NCAM2: variants seen among roughly 807,000 people sequenced by gnomAD.
NCAM2 encodes the protein neural cell adhesion molecule 2, also known as N-CAM-2.
Under a neutral mutation model 98.1 loss-of-function variants are expected in NCAM2, and 30 were observed. The observed-to-expected ratio is 0.31, with a 90% CI of 0.23 to 0.41. The LOEUF (loss-of-function observed/expected upper bound fraction) is 0.41, where lower values mean the gene tolerates loss of function less well. Among genes scored for constraint, NCAM2 ranks in the 10% least tolerant of loss-of-function variants. The pLI, the probability that NCAM2 is intolerant of heterozygous loss-of-function variation, is 1.00. For missense variants in NCAM2, 867 were observed against 1,005.8 expected (o/e 0.86, Z 1.87); for synonymous variants, 368 against 342.4 (o/e 1.07, Z -0.83).
intron 8 of NCAM2, among the ~76,000 whole-genome samples, chr21:21,353,831 G>A (rs572021023): frequency 2.6e-5 from 4 of 151,974 alleles, no homozygotes; most frequent in African/African-American, 9.7e-5. Context: ...GGGCATTAAG[G>A]TAGGAAAAAA....
chr21:21,272,506 G>GCA (rs1568867389), intron 1 of NCAM2, among the ~76,000 whole-genome samples: 31 of 54,118 alleles, frequency 5.7e-4, no homozygotes, highest in African/African-American at 1.8e-3. Context: ...ATGCGCGCGC[G>GCA]CGCACACACA....
At chr21:21,425,977 G>C (rs1569049815) in intron 11 of NCAM2, among the ~76,000 whole-genome samples, 1 of 152,090 alleles carries the variant, frequency 6.6e-6, no homozygotes, top group Non-Finnish European at 1.5e-5. Flanking sequence ...GGCACCATCA[G>C]ATTTGGTTTT....
In NCAM2 at chr21:21,430,403, T is replaced by TATATATATATATATATATATATATATATA. The variant is rs71195328; in HGVS notation, c.1481-1705_1481-1704insATATATATATATATATATATATATATATA. 7.6e-4 allele frequency among the ~76,000 whole-genome samples: 112 copies of TATATATATATATATATATATATATATATA among 146,572 alleles called. 1 individual carries two copies. The highest frequency in any genetic ancestry group is 1.8e-3 in the East Asian group (8 of 4,484). ...TATTTATCAGTCAAGTTTATATATA[T>TATATATATATATATATATATATATATATA]TAGCCCATTCTCACACTGCTATGAA... is the stretch of plus-strand genomic sequence containing the variant. On this transcript the variant is annotated intron_variant, in intron 11 of 17. Transcript: ENST00000400546.
chr21:21,368,107 G>T (rs1029576182), intron 8 of NCAM2, among the ~76,000 whole-genome samples: 1 of 151,540 alleles, frequency 6.6e-6, no homozygotes, highest in South Asian at 2.1e-4. Flanking sequence ...TTAAAGTATT[G>T]AATATGAAAT....
At chr21:21,043,166 C>T (rs1237822479) in intron 1 of NCAM2, among the ~76,000 whole-genome samples, 1 of 152,106 alleles carries the variant, frequency 6.6e-6, no homozygotes, top group Non-Finnish European at 1.5e-5. Flanking sequence ...TGCCCCATGC[C>T]CTCTATAAAG....
chr21:21,160,639 T>G (rs1267602377), intron 1 of NCAM2, among the ~76,000 whole-genome samples: 1 of 152,050 alleles, frequency 6.6e-6, no homozygotes, highest in African/African-American at 2.4e-5. Context: ...ATTTCTTTAT[T>G]TCTTACTATT....
intron 9 of NCAM2, among the ~76,000 whole-genome samples, chr21:21,391,012 G>A (rs534628389): frequency 6.6e-6 from 1 of 152,064 alleles, no homozygotes; most frequent in East Asian, 1.9e-4. Context: ...GAAGAAAATG[G>A]TATTTCTGTA....
At chr21:21,119,263 C>T (rs2066623913) in intron 1 of NCAM2, among the ~76,000 whole-genome samples, 1 of 152,108 alleles carries the variant, frequency 6.6e-6, no homozygotes, top group African/African-American at 2.4e-5. Flanking sequence ...TGTCACATCT[C>T]AATTCTAAGT....
chr21:21,296,797 G>A (rs1422124431), intron 5 of NCAM2, among the ~76,000 whole-genome samples: 3 of 151,706 alleles, frequency 2.0e-5, no homozygotes, highest in African/African-American at 7.3e-5. Flanking sequence ...AGAGGCAAGA[G>A]GAATCAAGGG....
In NCAM2 at chr21:21,292,778, C is replaced by G. The variant is rs1304814233; in HGVS notation, c.619+537C>G. On this transcript the variant is annotated intron_variant, in intron 5 of 17. Coordinates refer to ENST00000400546, the MANE Select transcript of NCAM2 (RefSeq NM_004540.5). ...TTCTATGGAGCTGGAAAATACATTA[C>G]AGTTATCTTGGCTGTCTCCTGTACT... 4.6e-5 allele frequency among the ~76,000 whole-genome samples: 7 copies of G among 151,862 alleles called. No homozygotes were observed. In the East Asian group the frequency reaches 1.2e-3, roughly 25 times the overall value.
At chr21:21,065,359 A>G (rs1036556491) in intron 1 of NCAM2, among the ~76,000 whole-genome samples, 2 of 152,134 alleles carry the variant, frequency 1.3e-5, no homozygotes, top group Admixed American at 6.6e-5. Context: ...CTTGATTTAC[A>G]TGAGTCTTAA....
chr21:21,092,190 A>G (rs188368093), intron 1 of NCAM2, among the ~76,000 whole-genome samples: 80 of 152,160 alleles, frequency 5.3e-4, no homozygotes, highest in African/African-American at 1.9e-3. Context: ...ACTCTTGACT[A>G]AGAGTTACTT....
At position 21,192,832 on chromosome 21, in the gene NCAM2, A is replaced by T. The variant is rs2068867527; in HGVS notation, c.56-87746A>T. Among the ~76,000 whole-genome samples the T allele has an allele frequency of 2.6e-5, 4 of 152,312 alleles. No individual in the cohort carries two copies. The South Asian group carries it at 8.3e-4, about 32-fold the overall frequency. On this transcript the variant is annotated intron_variant, in intron 1 of 17. Coordinates refer to ENST00000400546, the MANE Select transcript of NCAM2 (RefSeq NM_004540.5). ...CAGCCATTCAGACCTAATAATTATT[A>T]CACACAAGAAGAGTCTTGAAAGAAA... is the stretch of plus-strand genomic sequence containing the variant.
chr21:21,371,978 G>C (rs2075927113), intron 8 of NCAM2, among the ~76,000 whole-genome samples: 1 of 151,636 alleles, frequency 6.6e-6, no homozygotes, highest in African/African-American at 2.4e-5. Context: ...GACTCTAAAA[G>C]TGTTCCATGA....
chr21:21,260,170 G>A (rs1190027780), intron 1 of NCAM2, among the ~76,000 whole-genome samples: 1 of 151,566 alleles, frequency 6.6e-6, no homozygotes, highest in African/African-American at 2.4e-5. Flanking sequence ...GAATTAAAAA[G>A]AACAAATCCT....
At chr21:21,370,078 A>G (rs921517315) in intron 8 of NCAM2, among the ~76,000 whole-genome samples, 9 of 151,716 alleles carry the variant, frequency 5.9e-5, no homozygotes, top group South Asian at 2.1e-4. Context: ...AAATTTTGCA[A>G]TTGCCCCCTA....
intron 1 of NCAM2, among the ~76,000 whole-genome samples, chr21:21,064,841 G>A (rs1431223866): frequency 6.6e-6 from 1 of 152,064 alleles, no homozygotes; most frequent in African/African-American, 2.4e-5. Context: ...TTGATCAACG[G>A]GCAACATGAT....
chr21:21,534,493 A>AT, intron 16 of NCAM2, 44 bp from the exon 17 acceptor site: 1 of 1,433,792 alleles, frequency 7.0e-7, no homozygotes. Context: ...TAATGCATCC[A>AT]TTTTTAAATT....
intron 1 of NCAM2, among the ~76,000 whole-genome samples, chr21:21,184,157 G>T (rs116271864): frequency 9.9e-4 from 150 of 152,004 alleles, no homozygotes; most frequent in African/African-American, 3.4e-3. Context: ...TATATACGAT[G>T]GTTTGAAAAG....
Sources: gnomAD v4.1 joint callset for allele counts (sites outside exome capture counted in the v4.1 genomes callset) on GRCh38, gnomAD v4.1.1 for gene constraint, MANE v1.5 for transcripts, NCBI Gene and HGNC (gene_info 2026-07-23, HGNC 2026-07-21) for gene names.